The following PDSS2 variants were observed in gnomAD, a reference collection of about 807,000 sequenced individuals.
PDSS2 encodes decaprenyl diphosphate synthase subunit 2, also known as all trans-polyprenyl-diphosphate synthase PDSS2.
A neutral mutation model predicts 44.5 loss-of-function variants in PDSS2; 31 were observed. That is an observed-to-expected ratio of 0.70 (90% CI 0.52 to 0.94). The LOEUF is 0.94. Ranked by LOEUF, PDSS2 falls within the 40% of genes least tolerant of loss-of-function variation. PDSS2 has a pLI of 0.00. For missense variants in PDSS2, 452 were observed against 482.2 expected, an observed-to-expected ratio of 0.94 and a Z score of 0.59; for synonymous variants, 157 against 180.3, an observed-to-expected ratio of 0.87 and a Z score of 1.03.
intron 7 of PDSS2, among the ~76,000 whole-genome samples, chr6:107,193,020 T>C (rs1772433752): frequency 6.6e-6 from 1 of 152,208 alleles, no homozygotes; most frequent in Non-Finnish European, 1.5e-5. Context: ...GATTGTTGCA[T>C]AAATCAGATG....
chr6:107,223,746 A>T (rs1386801516), intron 4 of PDSS2, among the ~76,000 whole-genome samples: 2 of 150,466 alleles, frequency 1.3e-5, no homozygotes, highest in Non-Finnish European at 2.9e-5. Flanking sequence ...AGTGAATGAC[A>T]TCTATGTACC....
At chr6:107,212,028 G>A (rs1773234071) in intron 5 of PDSS2, 81 bp downstream of exon 5, 1 of 1,160,622 alleles carries the variant, frequency 8.6e-7, no homozygotes, top group South Asian at 1.2e-5. Context: ...TATAAAAGAA[G>A]CTTATTAAAT....
At chr6:107,293,094 T>C (rs953108526) in intron 2 of PDSS2, among the ~76,000 whole-genome samples, 1 of 152,294 alleles carries the variant, frequency 6.6e-6, no homozygotes, top group East Asian at 1.9e-4. Flanking sequence ...CTTCCTGACA[T>C]GAATTCCAAT....
Position 107,334,340 on chromosome 6 carries a change from C to T in PDSS2, c.297-8G>A. The T allele has an allele frequency of 1.9e-6, 3 of 1,613,146 alleles. No individual in the cohort carries two copies. Among genetic ancestry groups the T allele is most frequent in the Non-Finnish European group, 2.5e-6 (3 of 1,179,416 alleles). On this transcript the variant is annotated splice_polypyrimidine_tract_variant and splice_region_variant and intron_variant, in intron 1 of 7. Coordinates refer to ENST00000369037, the MANE Select transcript of PDSS2 (RefSeq NM_020381.4). ...CTGTCATGTACAAGCCCCCTGCCAA[C>T]AAGCAAAGAAGGAAGAGGATTAATA...
chr6:107,406,432 T>C (rs1408040782), intron 1 of PDSS2, among the ~76,000 whole-genome samples: 1 of 152,172 alleles, frequency 6.6e-6, no homozygotes, highest in Non-Finnish European at 1.5e-5. Flanking sequence ...GAAACCTTTT[T>C]ATAGTCTAAA....
At chr6:107,347,498 C>T (rs895843757) in intron 1 of PDSS2, among the ~76,000 whole-genome samples, 1 of 151,938 alleles carries the variant, frequency 6.6e-6, no homozygotes, top group Admixed American at 6.6e-5. Context: ...CTCCTGACCT[C>T]GTGATCTGCT....
At chr6:107,181,565 G>T (rs1381297426) in intron 7 of PDSS2, among the ~76,000 whole-genome samples, 3 of 144,032 alleles carry the variant, frequency 2.1e-5, no homozygotes, top group African/African-American at 7.7e-5. Flanking sequence ...AAAAGAAAAA[G>T]AAATAAGAAA....
intron 1 of PDSS2, among the ~76,000 whole-genome samples, chr6:107,377,835 A>G (rs1187964127): frequency 6.6e-6 from 1 of 151,922 alleles, no homozygotes; most frequent in African/African-American, 2.4e-5. Context: ...GAACTGAACA[A>G]TGAGAACACA....
intron 7 of PDSS2, among the ~76,000 whole-genome samples, chr6:107,180,906 C>G (rs1326847844): frequency 3.3e-5 from 5 of 152,056 alleles, no homozygotes; most frequent in Non-Finnish European, 7.4e-5. Flanking sequence ...GGCTGGAATG[C>G]AGGGGCGCAA....
At chr6:107,264,917 G>T (rs1775363409) in intron 3 of PDSS2, among the ~76,000 whole-genome samples, 1 of 152,122 alleles carries the variant, frequency 6.6e-6, no homozygotes, top group Non-Finnish European at 1.5e-5. Context: ...TTAAAAAGAG[G>T]CATTCTGAGG....
At chr6:107,164,468 C>T (rs916086671) in intron 7 of PDSS2, among the ~76,000 whole-genome samples, 6 of 152,126 alleles carry the variant, frequency 3.9e-5, no homozygotes, top group Non-Finnish European at 7.4e-5. Context: ...TTTCCGGTTT[C>T]ATCCATGTCC....
chr6:107,399,331 C>T lies in PDSS2; in HGVS notation c.296+59659G>A, dbSNP rs1780039391. Among the ~76,000 whole-genome samples the T allele has an allele frequency of 2.6e-5, 4 of 152,192 alleles. No individual in the cohort carries two copies. In the South Asian group the frequency reaches 6.2e-4, roughly 24 times the overall value. ...GAGTTGTGACTATCACCTGAAGTCGCAAAATCTTGATCTCCAAGTCTCACC... is the reference window on the plus strand; with the variant it reads ...GAGTTGTGACTATCACCTGAAGTCGTAAAATCTTGATCTCCAAGTCTCACC... On this transcript the variant is annotated intron_variant, in intron 1 of 7. Transcript: ENST00000369037.
chr6:107,374,167 T>C (rs1779210142), intron 1 of PDSS2, among the ~76,000 whole-genome samples: 1 of 144,324 alleles, frequency 6.9e-6, no homozygotes, highest in African/African-American at 2.6e-5. Context: ...GGCAGGAGAA[T>C]CACTTGAACC....
At position 107,274,190 on chromosome 6, in the gene PDSS2, T is replaced by C; in HGVS notation, c.469A>G (p.Ile157Val). The C allele has an allele frequency of 1.2e-6, 2 of 1,614,046 alleles. No individual in the cohort carries two copies. Among genetic ancestry groups the C allele is most frequent in the South Asian group, 1.1e-5 (1 of 91,080 alleles). ...ATCCCACGATGTACAAGGAGAGCAA[T>C]ATGAATTAGCTCCGTGATCTCTGCC... Reference protein sequence around the residue: ...SLAEITELIHIALLVHRGIVN... With the variant: ...SLAEITELIHVALLVHRGIVN... The change falls in exon 3 of 8, where the codon ATT (isoleucine) becomes GTT (valine). Residue 157 changes from isoleucine (I) to valine (V), a missense_variant. Coordinates refer to ENST00000369037, the MANE Select transcript of PDSS2 (RefSeq NM_020381.4).
chr6:107,402,859 C>T (rs1463128290), intron 1 of PDSS2, among the ~76,000 whole-genome samples: 1 of 152,092 alleles, frequency 6.6e-6, no homozygotes, highest in Non-Finnish European at 1.5e-5. Flanking sequence ...GTCCCTCCCA[C>T]ATTTGGGGAT....
At chr6:107,258,495 T>C (rs1775101533) in intron 3 of PDSS2, among the ~76,000 whole-genome samples, 2 of 151,940 alleles carry the variant, frequency 1.3e-5, no homozygotes, top group Admixed American at 1.3e-4. Context: ...TGCTTTTGCT[T>C]ATAAGTTGCT....
chr6:107,169,922 G>T (rs981719993), intron 7 of PDSS2, among the ~76,000 whole-genome samples: 6 of 152,238 alleles, frequency 3.9e-5, no homozygotes, highest in Admixed American at 1.3e-4. Flanking sequence ...CTACTTGGGG[G>T]TCAGGGACCC....
At chr6:107,408,062 C>CT (rs1780378148) in intron 1 of PDSS2, among the ~76,000 whole-genome samples, 3 of 151,544 alleles carry the variant, frequency 2.0e-5, no homozygotes, top group African/African-American at 7.3e-5. Context: ...GAGTCTCACT[C>CT]TGTCATTCAA....
In PDSS2 at chr6:107,459,091, G is replaced by C; in HGVS notation, c.195C>G (p.Ser65=). The change falls in exon 1 of 8, where the codon TCC becomes TCG. Residue 65 remains serine, a synonymous_variant. Coordinates refer to ENST00000369037, the MANE Select transcript of PDSS2 (RefSeq NM_020381.4). The surrounding 1 kb of genome is among the most constrained non-coding windows in gnomAD (Gnocchi z 4.3). ...TCAGCAGGCAGCGAAGGCTCATGAA[G>C]GACGTGGGGTACCCCACGATCTTCT... is the stretch of plus-strand genomic sequence containing the variant. ...EAEKIVGYPT[S]FMSLRCLLSD... The C allele has an allele frequency of 6.2e-7, 1 of 1,614,158 alleles. No homozygotes were observed. The highest frequency in any genetic ancestry group is 8.5e-7 in the Non-Finnish European group (1 of 1,180,048).
Sources: allele counts gnomAD v4.1 joint callset (sites outside exome capture counted in the v4.1 genomes callset), GRCh38; gene constraint gnomAD v4.1.1; non-coding constraint Gnocchi (gnomAD v3.1); transcripts MANE v1.5; gene names NCBI Gene and HGNC (gene_info 2026-07-23, HGNC 2026-07-21).